SPG11: variants seen among roughly 807,000 people sequenced by gnomAD.
SPG11 encodes spatacsin.
A neutral mutation model predicts 274.0 loss-of-function variants in SPG11; 222 were observed. The observed-to-expected ratio is 0.81, with a 90% CI of 0.73 to 0.91. SPG11 has a LOEUF of 0.91. Ranked by LOEUF, SPG11 falls within the 40% of genes least tolerant of loss-of-function variation. SPG11 has a pLI of 0.00. For synonymous variants in SPG11, 1,144 were observed against 1,039.7 expected, an observed-to-expected ratio of 1.10 and a Z score of -1.93; for missense variants, 3,114 against 2,872.7, an observed-to-expected ratio of 1.08 and a Z score of -1.92.
rs1451141253 is a variant in SPG11, at chr15:44,652,072, G to C, written c.1007+57C>G. ...TAAAGACCTTTAATGAAAGGGTACA[G>C]CGTCAGCATGATAAAAAATAAGAAC... is the stretch of plus-strand genomic sequence containing the variant. On this transcript the variant is annotated intron_variant, in intron 5 of 39. Coordinates refer to ENST00000261866, the MANE Select transcript of SPG11 (RefSeq NM_025137.4). 4 of 1,605,266 alleles carry C rather than the reference G, an allele frequency of 2.5e-6. No individual in the cohort carries two copies. The African/African-American group carries it at 4.0e-5, about 16-fold the overall frequency.
chr15:44,638,508 C>G (rs1349281219), intron 7 of SPG11, among the ~76,000 whole-genome samples: 1 of 147,846 alleles, frequency 6.8e-6, no homozygotes, highest in Non-Finnish European at 1.5e-5. Flanking sequence ...AAACCCCCCC[C>G]CCCAACACAC....
intron 8 of SPG11, among the ~76,000 whole-genome samples, chr15:44,631,798 C>A (rs1430113797): frequency 6.7e-6 from 1 of 148,338 alleles, no homozygotes; most frequent in Non-Finnish European, 1.5e-5. Context: ...AGCCACTGCA[C>A]CCAGCTTTTT....
At position 44,567,563 on chromosome 15, in the gene SPG11, G is replaced by C; in HGVS notation, c.6615C>G (p.Asp2205Glu). 6.2e-7 allele frequency: 1 copy of C among 1,614,022 alleles called. No homozygotes were observed. The highest frequency in any genetic ancestry group is 1.1e-5 in the South Asian group (1 of 91,082). The change falls in exon 36 of 40, where the codon GAC becomes GAG. Residue 2205 changes from aspartate to glutamate, a missense_variant. Transcript: ENST00000261866. ...CTCCAGGACGGCAGCGTTTGATGTA[G>C]TCCAGCAGGGCTGTTTTCAGGGTAC... ...PSGTLKTALLDYIKRCRPGDS... is the reference protein window; with the variant it reads ...PSGTLKTALLEYIKRCRPGDS...
rs1186136891 is a variant in SPG11, at chr15:44,566,246, T to A, written c.6814A>T (p.Met2272Leu). The change falls in exon 37 of 40, where the codon ATG becomes TTG. Residue 2272 changes from methionine to leucine, a missense_variant. Coordinates refer to ENST00000261866, the MANE Select transcript of SPG11 (RefSeq NM_025137.4). ...KQLLLKALTL[M>L]LDAAESYAKD... ...GCATAACTCTCTGCTGCATCCAACA[T>A]CAGAGTCAGGGCCTTCAGCAGCAGT... The A allele has an allele frequency of 9.3e-6, 15 of 1,614,064 alleles. No individual in the cohort carries two copies. The East Asian group carries it at 1.6e-4, about 17-fold the overall frequency.
Position 44,653,152 on chromosome 15 carries a change from T to C in SPG11, c.870-886A>G, listed in dbSNP as rs151015041. 3.3e-3 allele frequency among the ~76,000 whole-genome samples: 506 copies of C among 152,156 alleles called. 2 individuals carry two copies. The highest frequency in any genetic ancestry group is 5.3e-3 in the Non-Finnish European group (357 of 68,000). On this transcript the variant is annotated intron_variant, in intron 4 of 39. Coordinates refer to ENST00000261866, the MANE Select transcript of SPG11 (RefSeq NM_025137.4). ...GCTAGAAAGATGGTTCAGGGCCCCA[T>C]AGGCTATTAAGAATTTTAAACTTTT...
At position 44,651,635 on chromosome 15, in the gene SPG11, G is replaced by C; in HGVS notation, c.1312C>G (p.Leu438Val). Residue 438 changes from leucine to valine, a missense_variant, in exon 6 of 40, where the codon CTG becomes GTG. Physicochemically the swap from Leu to Val is conservative, Grantham distance 32. Transcript: ENST00000261866. The part of the protein sequence containing the change: ...KCVSVTGFTA[L>V]FTWEVERMGY... ...ATCCTTTCCACTTCCCAAGTAAACA[G>C]TGCAGTGAATCCTGTCACAGACACA... is the stretch of plus-strand genomic sequence containing the variant. 6.2e-7 allele frequency: 1 copy of C among 1,614,206 alleles called. No homozygotes were observed. The highest frequency in any genetic ancestry group is 2.2e-5 in the East Asian group (1 of 44,886).
At chr15:44,612,368 T>A (rs2083483144) in intron 17 of SPG11, among the ~76,000 whole-genome samples, 1 of 152,198 alleles carries the variant, frequency 6.6e-6, no homozygotes, top group Non-Finnish European at 1.5e-5. Context: ...GTTATTTTCC[T>A]ATGTACCTAG....
intron 20 of SPG11, among the ~76,000 whole-genome samples, chr15:44,602,265 C>T (rs1370001159): frequency 6.6e-6 from 1 of 152,010 alleles, no homozygotes; most frequent in Non-Finnish European, 1.5e-5. Flanking sequence ...ACAGAAGTGG[C>T]AAGGGTGGGC....
At position 44,615,401 on chromosome 15, in the gene SPG11, A is replaced by G; in HGVS notation, c.3000T>C (p.Ser1000=). ...GGTAGACATAAAGAAGATGCTGCAG[A>G]CTGTGCTCCAAACAATAGAGAATGA... ...SQFILYCLEH[S]LQHLLYVYLD... Residue 1000 remains serine (S), a synonymous_variant, in exon 16 of 40, where the codon AGT becomes AGC. Coordinates refer to ENST00000261866, the MANE Select transcript of SPG11 (RefSeq NM_025137.4). 1 of 1,614,060 alleles carries G rather than the reference A, an allele frequency of 6.2e-7. No individual in the cohort carries two copies. The highest frequency in any genetic ancestry group is 8.5e-7 in the Non-Finnish European group (1 of 1,180,002).
intron 38 of SPG11, 31 bp from the exon 39 acceptor site, chr15:44,564,729 C>CAG: frequency 6.2e-7 from 1 of 1,613,434 alleles, no homozygotes; most frequent in Non-Finnish European, 8.5e-7. Context: ...AGGACACCAT[C>CAG]AGAGCCCATC....
At chr15:44,610,121 T>G (rs1034609895) in intron 18 of SPG11, among the ~76,000 whole-genome samples, 1 of 151,972 alleles carries the variant, frequency 6.6e-6, no homozygotes, top group Non-Finnish European at 1.5e-5. Context: ...CAGGCTGGTT[T>G]TGAACTCCTG....
intron 23 of SPG11, among the ~76,000 whole-genome samples, chr15:44,598,006 G>A (rs1013562103): frequency 4.6e-5 from 7 of 152,208 alleles, no homozygotes; most frequent in African/African-American, 1.7e-4. Flanking sequence ...GGCAGTGGAG[G>A]AGACAAAGCT....
In SPG11 at chr15:44,564,180, A is replaced by T. The variant is rs575226076; in HGVS notation, c.7151+367T>A. ...GCTAATTTTTGTATTTTTAGTAGAG[A>T]CAGGGTTTCACCATGTTGGCAAGGC... On this transcript the variant is annotated intron_variant, in intron 39 of 39. Coordinates refer to ENST00000261866, the MANE Select transcript of SPG11 (RefSeq NM_025137.4). 3.9e-5 allele frequency among the ~76,000 whole-genome samples: 6 copies of T among 152,182 alleles called. No homozygotes were observed. The South Asian group carries it at 1.2e-3, about 32-fold the overall frequency.
chr15:44,629,427 G>T, intron 8 of SPG11, 39 bp from the exon 9 acceptor site: 1 of 1,586,432 alleles, frequency 6.3e-7, no homozygotes, highest in Non-Finnish European at 8.6e-7. Context: ...AAGAACACCA[G>T]GATACTCACA....
chr15:44,564,558 C>T lies in SPG11; in HGVS notation c.7140G>A (p.Glu2380=). The T allele has an allele frequency of 6.2e-7, 1 of 1,613,952 alleles. No individual in the cohort carries two copies. Among genetic ancestry groups the T allele is most frequent in the South Asian group, 1.1e-5 (1 of 91,074 alleles). The change falls in exon 39 of 40, where the codon GAG becomes GAA. Residue 2380 remains glutamate, a synonymous_variant. Coordinates refer to ENST00000261866, the MANE Select transcript of SPG11 (RefSeq NM_025137.4). The part of the protein sequence containing the change: ...QRLLKSSIFE[E]ISKKYKQHQP... ...CTTTTAATACTTACTTTTTGGAAATCTCTTCAAATATACTGGACTTTAATA... is the reference window on the plus strand; with the variant it reads ...CTTTTAATACTTACTTTTTGGAAATTTCTTCAAATATACTGGACTTTAATA...
chr15:44,635,717 G>C (rs1348521763), intron 7 of SPG11, among the ~76,000 whole-genome samples: 19 of 149,800 alleles, frequency 1.3e-4, no homozygotes, highest in Non-Finnish European at 2.7e-4. Context: ...AGGAGTTCAA[G>C]ACTAGCCTGA....
intron 26 of SPG11, 55 bp from the exon 27 acceptor site, chr15:44,592,493 A>G (rs777072903): frequency 1.6e-5 from 16 of 998,938 alleles, no homozygotes; most frequent in Non-Finnish European, 2.4e-5. Context: ...TATTTTTTCA[A>G]TGAATAATGC....
At chr15:44,577,874 A>G (rs1450440703) in intron 30 of SPG11, among the ~76,000 whole-genome samples, 1 of 152,196 alleles carries the variant, frequency 6.6e-6, no homozygotes, top group African/African-American at 2.4e-5. Flanking sequence ...GAAGCTCTCT[A>G]GTACCAGTTT....
chr15:44,569,786 G>A (rs2082381296), intron 34 of SPG11, among the ~76,000 whole-genome samples: 1 of 150,642 alleles, frequency 6.6e-6, no homozygotes, highest in African/African-American at 2.4e-5. Flanking sequence ...GCACGACCTC[G>A]GCTCACTGCA....
Sources: allele counts gnomAD v4.1 joint callset (sites outside exome capture counted in the v4.1 genomes callset), GRCh38; gene constraint gnomAD v4.1.1; transcripts MANE v1.5; gene names NCBI Gene and HGNC (gene_info 2026-07-23, HGNC 2026-07-21).